The following PHF2 variants were observed in gnomAD, a reference collection of about 807,000 sequenced individuals.
PHF2 encodes the protein lysine-specific demethylase PHF2.
Under a neutral mutation model 120.5 loss-of-function variants are expected in PHF2, and 27 were observed. That is an observed-to-expected ratio of 0.22 (90% confidence interval 0.17 to 0.31). PHF2 has a LOEUF of 0.31. PHF2 is among the 10% of genes least tolerant of loss of function. The probability of loss-of-function intolerance (pLI) is 1.00; values close to 1 mark genes in which losing one functional copy is unlikely to be tolerated. For missense variants in PHF2, 1,024 were observed against 1,434.8 expected (o/e 0.71, Z 4.63); for synonymous variants, 568 against 592.5 (o/e 0.96, Z 0.60).
chr9:93,615,718 A>G (rs375167095), intron 1 of PHF2, among the ~76,000 whole-genome samples: 1 of 152,164 alleles, frequency 6.6e-6, no homozygotes, highest in Non-Finnish European at 1.5e-5. Flanking sequence ...GCTCCTTGAC[A>G]CTTGACCTCT....
At position 93,630,065 on chromosome 9, in the gene PHF2, G is replaced by A. The variant is rs947889219; in HGVS notation, c.184+10G>A. 5.0e-6 allele frequency: 8 copies of A among 1,611,594 alleles called. No homozygotes were observed. Among genetic ancestry groups the A allele is most frequent in the East Asian group, 4.5e-5 (2 of 44,888 alleles). ...CATGGGAAGTCCACCTGTAAGTACC[G>A]CAGCCCAAGCGGCCATCTCTTGCGG... is the stretch of plus-strand genomic sequence containing the variant. On this transcript the variant is annotated intron_variant, in intron 2 of 21. Transcript: ENST00000359246.
chr9:93,585,380 T>A (rs1481905876), intron 1 of PHF2, among the ~76,000 whole-genome samples: 1 of 152,240 alleles, frequency 6.6e-6, no homozygotes, highest in African/African-American at 2.4e-5. Context: ...CTGCTGAGGA[T>A]CCTTTTGTGG....
chr9:93,619,978 C>T (rs1304980676), intron 1 of PHF2, among the ~76,000 whole-genome samples: 1 of 152,212 alleles, frequency 6.6e-6, no homozygotes, highest in African/African-American at 2.4e-5. Flanking sequence ...TTTGGAGAAG[C>T]AGAAGCCCTG....
intron 2 of PHF2, among the ~76,000 whole-genome samples, chr9:93,634,049 G>A (rs1806458): frequency 0.64 from 98,028 of 152,040 alleles, 32,105 homozygotes; most frequent in African/African-American, 0.68. Flanking sequence ...GGTGTTCCTC[G>A]CAGGTGGTGA....
chr9:93,641,213 G>A (rs1168764689), intron 3 of PHF2, among the ~76,000 whole-genome samples: 1 of 152,206 alleles, frequency 6.6e-6, no homozygotes, highest in African/African-American at 2.4e-5. Context: ...ATGTCCAGTA[G>A]AGTCTGATAC....
At chr9:93,589,936 C>G (rs1214996214) in intron 1 of PHF2, among the ~76,000 whole-genome samples, 1 of 152,218 alleles carries the variant, frequency 6.6e-6, no homozygotes, top group Non-Finnish European at 1.5e-5. Context: ...AGCAAACATG[C>G]TCCTCCTGCA....
intron 1 of PHF2, among the ~76,000 whole-genome samples, chr9:93,602,935 CCCTA>C (rs1246740310): frequency 2.0e-5 from 3 of 152,008 alleles, no homozygotes; most frequent in Non-Finnish European, 4.4e-5. Flanking sequence ...AGGCTGGGAG[CCCTA>C]CCCAGGGGTC....
At chr9:93,608,378 A>C (rs1391979944) in intron 1 of PHF2, among the ~76,000 whole-genome samples, 1 of 147,908 alleles carries the variant, frequency 6.8e-6, no homozygotes, top group Non-Finnish European at 1.5e-5. Context: ...GAATTTTTGC[A>C]TGAGAAATAT....
intron 1 of PHF2, among the ~76,000 whole-genome samples, chr9:93,589,614 A>G (rs1298602061): frequency 6.6e-6 from 1 of 152,162 alleles, no homozygotes; most frequent in African/African-American, 2.4e-5. Flanking sequence ...GTCTTTTCTT[A>G]TATTTATTTA....
chr9:93,667,340 C>A, intron 17 of PHF2, 100 bp downstream of exon 17: 1 of 1,426,628 alleles, frequency 7.0e-7, no homozygotes, highest in Non-Finnish European at 9.5e-7. Context: ...AGACGCACAG[C>A]TGGAGCCAGT....
intron 3 of PHF2, among the ~76,000 whole-genome samples, chr9:93,637,007 G>T (rs555859577): frequency 3.3e-5 from 5 of 152,236 alleles, no homozygotes; most frequent in Non-Finnish European, 7.3e-5. Context: ...AGCCGGGAGC[G>T]GCTCCTGGTG....
At chr9:93,660,862 G>A (rs759430489) in intron 12 of PHF2, among the ~76,000 whole-genome samples, 2 of 152,244 alleles carry the variant, frequency 1.3e-5, no homozygotes, top group Non-Finnish European at 2.9e-5. Context: ...GCAACACAAT[G>A]TGTGTGTGCT....
chr9:93,604,043 C>T (rs1046502887), intron 1 of PHF2, among the ~76,000 whole-genome samples: 24 of 152,228 alleles, frequency 1.6e-4, no homozygotes, highest in African/African-American at 5.3e-4. Flanking sequence ...AAGTGAGCAT[C>T]TCTGCTGAGT....
At chr9:93,586,636 C>T (rs1863049670) in intron 1 of PHF2, among the ~76,000 whole-genome samples, 1 of 152,248 alleles carries the variant, frequency 6.6e-6, no homozygotes, top group Non-Finnish European at 1.5e-5. Context: ...TCCTGAGTCT[C>T]AAAATGGCCC....
At chr9:93,632,326 A>C (rs1481655044) in intron 2 of PHF2, among the ~76,000 whole-genome samples, 1 of 152,076 alleles carries the variant, frequency 6.6e-6, no homozygotes, top group Non-Finnish European at 1.5e-5. Context: ...GGCTGTACAC[A>C]TGTGTGTGTG....
chr9:93,640,387 A>C lies in PHF2; in HGVS notation c.299+3862A>C, dbSNP rs143919078. On this transcript the variant is annotated intron_variant, in intron 3 of 21. Transcript: ENST00000359246. ...CTGCGCCTCCCCTTGACCCCCACCC[A>C]CATGCTTCTTTGTTCTGCTTGGATT... 3.8e-3 allele frequency among the ~76,000 whole-genome samples: 580 copies of C among 151,696 alleles called. 2 individuals carry two copies. Among genetic ancestry groups the C allele is most frequent in the African/African-American group, 0.013 (544 of 41,296 alleles).
chr9:93,585,238 TC>T (rs1273304151), intron 1 of PHF2, among the ~76,000 whole-genome samples: 1 of 152,250 alleles, frequency 6.6e-6, no homozygotes, highest in Non-Finnish European at 1.5e-5. Context: ...GCATCAGATG[TC>T]GAACTAGGCG....
At chr9:93,610,176 A>G (rs542460992) in intron 1 of PHF2, among the ~76,000 whole-genome samples, 1 of 151,918 alleles carries the variant, frequency 6.6e-6, no homozygotes, top group African/African-American at 2.4e-5. Context: ...AGCTGTTATT[A>G]TTTCAGATAT....
At chr9:93,601,567 T>C (rs1021980881) in intron 1 of PHF2, among the ~76,000 whole-genome samples, 1 of 152,038 alleles carries the variant, frequency 6.6e-6, no homozygotes, top group African/African-American at 2.4e-5. Context: ...CTCTGTGTGG[T>C]TGGCAGGATG....
Sources: allele counts gnomAD v4.1 joint callset (sites outside exome capture counted in the v4.1 genomes callset), GRCh38; gene constraint gnomAD v4.1.1; transcripts MANE v1.5; gene names NCBI Gene and HGNC (gene_info 2026-07-23, HGNC 2026-07-21).